MYOM1: variants seen among roughly 807,000 people sequenced by gnomAD.
The protein encoded by MYOM1 is myomesin 1.
MYOM1 carries 164 observed loss-of-function variants against 205.3 expected under a neutral mutation model. The ratio of observed to expected loss-of-function variants is 0.80; its 90% confidence interval spans 0.70 to 0.91. The LOEUF (loss-of-function observed/expected upper bound fraction) is 0.91, where lower values mean the gene tolerates loss of function less well. Ranked by LOEUF, MYOM1 falls within the 40% of genes least tolerant of loss-of-function variation. MYOM1 has a pLI of 0.00. For synonymous variants in MYOM1, 772 were observed against 789.4 expected (o/e 0.98, Z 0.37); for missense variants, 2,011 against 2,127.3 (o/e 0.95, Z 1.08).
chr18:3,118,123 C>T (rs940535120), intron 20 of MYOM1, among the ~76,000 whole-genome samples: 2 of 152,158 alleles, frequency 1.3e-5, no homozygotes, highest in East Asian at 1.9e-4. Flanking sequence ...ACCCTCTGGG[C>T]ATCATTTAAC....
intron 10 of MYOM1, among the ~76,000 whole-genome samples, chr18:3,156,282 C>G (rs879714940): frequency 6.6e-6 from 1 of 152,172 alleles, no homozygotes; most frequent in African/African-American, 2.4e-5. Flanking sequence ...AGGGAAAGCA[C>G]CCATGTCGAC....
At chr18:3,182,173 A>C (rs1184320746) in intron 5 of MYOM1, among the ~76,000 whole-genome samples, 1 of 152,028 alleles carries the variant, frequency 6.6e-6, no homozygotes, top group African/African-American at 2.4e-5. Flanking sequence ...TGCTCCAATG[A>C]GTTTTCCTGA....
In MYOM1 at chr18:3,197,579, AAAG is replaced by A. The variant is rs199912765; in HGVS notation, c.291-3624_291-3622del. On this transcript the variant is annotated intron_variant, in intron 2 of 37. Coordinates refer to ENST00000356443, the MANE Select transcript of MYOM1 (RefSeq NM_003803.4). The stretch of plus-strand genomic sequence containing the variant: ...AGACCACACTTGATTTTTTTTAAAA[AAAG>A]AAGTGTTAAGGCTGGGCGCGGTGGC... Among the ~76,000 whole-genome samples, 772 of 152,298 alleles carry A rather than the reference AAAG, an allele frequency of 5.1e-3. 9 individuals are homozygous for A. The highest frequency in any genetic ancestry group is 0.018 in the African/African-American group (736 of 41,574).
intron 5 of MYOM1, among the ~76,000 whole-genome samples, chr18:3,181,836 C>T (rs532509025): frequency 6.7e-6 from 1 of 150,008 alleles, no homozygotes; most frequent in Non-Finnish European, 1.5e-5. Flanking sequence ...CAGATTCAAG[C>T]AATTCTCCTG....
rs147922585 is a variant in MYOM1, at chr18:3,138,871, A to G, written c.2025+3068T>C. On this transcript the variant is annotated intron_variant, in intron 14 of 37. Transcript: ENST00000356443. ...AAAGGTGGCCCAGTGTAATAGTTGG[A>G]TTTACGCACCTGAACCAGACTGCTG... Among the ~76,000 whole-genome samples the G allele has an allele frequency of 8.5e-3, 1,296 of 152,252 alleles. 29 individuals carry two copies. Among genetic ancestry groups the G allele is most frequent in the African/African-American group, 0.029 (1,198 of 41,548 alleles).
chr18:3,127,013 T>C, intron 18 of MYOM1, 116 bp from the exon 19 acceptor site: 2 of 904,464 alleles, frequency 2.2e-6, no homozygotes, highest in Non-Finnish European at 3.3e-6. Context: ...AAAACTAAAA[T>C]TCGAGGCTGA....
In MYOM1 at chr18:3,209,249, C is replaced by T. The variant is rs1177155025; in HGVS notation, c.290+5685G>A. Among the ~76,000 whole-genome samples, 1 of 152,210 alleles carries T rather than the reference C, an allele frequency of 6.6e-6. No homozygotes were observed. The highest frequency in any genetic ancestry group is 1.5e-5 in the Non-Finnish European group (1 of 68,048). ...CACAGACCATTTCACAGCCTCAAAA[C>T]TCCCTGGCTAAGGGTGCTGAGGAAC... On this transcript the variant is annotated intron_variant, in intron 2 of 37. Coordinates refer to ENST00000356443, the MANE Select transcript of MYOM1 (RefSeq NM_003803.4). The surrounding 1 kb of genome is among the most constrained non-coding windows in gnomAD (Gnocchi z 4.0).
chr18:3,075,888 A>G (rs1042329740), intron 34 of MYOM1, 127 bp from the exon 35 acceptor site: 53 of 806,618 alleles, frequency 6.6e-5, no homozygotes, highest in Middle Eastern at 3.4e-4. Context: ...TTTGATTAAG[A>G]CTGTGCTTAT....
At chr18:3,160,906 G>A (rs953561623) in intron 10 of MYOM1, among the ~76,000 whole-genome samples, 2 of 152,190 alleles carry the variant, frequency 1.3e-5, no homozygotes, top group African/African-American at 4.8e-5. Context: ...CATTCTGGGT[G>A]TGGGCGCTGA....
chr18:3,116,220 A>C, intron 21 of MYOM1, 111 bp downstream of exon 21: 2 of 1,145,010 alleles, frequency 1.7e-6, no homozygotes, highest in Non-Finnish European at 2.4e-6. Flanking sequence ...CCAGGAGCCC[A>C]ATATATGAAA....
chr18:3,116,877 C>T (rs1049536063), intron 20 of MYOM1, among the ~76,000 whole-genome samples: 15 of 152,024 alleles, frequency 9.9e-5, no homozygotes, highest in African/African-American at 3.4e-4. Flanking sequence ...TATTTTTAGA[C>T]ACAGGGTTTT....
chr18:3,202,292 T>C (rs538444471), intron 2 of MYOM1, among the ~76,000 whole-genome samples: 153 of 152,232 alleles, frequency 1.0e-3, no homozygotes, highest in Non-Finnish European at 1.7e-3. Flanking sequence ...GATAATGAGA[T>C]ATACTTTAAA....
chr18:3,112,304 G>C lies in MYOM1; in HGVS notation c.3412C>G (p.Arg1138Gly), dbSNP rs200710899. Residue 1138 changes from arginine to glycine, a missense_variant, in exon 22 of 38, where the codon CGT becomes GGT. Coordinates refer to ENST00000356443, the MANE Select transcript of MYOM1 (RefSeq NM_003803.4). Reference sequence around the variant, plus strand: ...TGAAAAGGTGAAAGCCCACCTGGACGGGTCTCTGCCACAACAGGGCCAGCA... The same window carrying C: ...TGAAAAGGTGAAAGCCCACCTGGACCGGTCTCTGCCACAACAGGGCCAGCA... ...DLAGPVVAET[R>G]PGTKEVVVNV... 1.2e-6 allele frequency: 2 copies of C among 1,612,990 alleles called. No individual in the cohort carries two copies. Among genetic ancestry groups the C allele is most frequent in the East Asian group, 4.5e-5 (2 of 44,864 alleles).
At chr18:3,181,926 G>A (rs1276358621) in intron 5 of MYOM1, among the ~76,000 whole-genome samples, 1 of 151,752 alleles carries the variant, frequency 6.6e-6, no homozygotes, top group African/African-American at 2.4e-5. Flanking sequence ...TACAGATGGA[G>A]TTTCACCATG....
At chr18:3,165,668 T>C (rs1247356616) in intron 9 of MYOM1, among the ~76,000 whole-genome samples, 1 of 152,228 alleles carries the variant, frequency 6.6e-6, no homozygotes, top group Non-Finnish European at 1.5e-5. Context: ...TTGCCAGCAG[T>C]TCCTGTCCCC....
the MYOM1 span, among the ~76,000 whole-genome samples, chr18:3,232,094 C>T: frequency 1.3e-5 from 2 of 151,852 alleles, no homozygotes; most frequent in Middle Eastern, 6.8e-3. Context: ...CTTTGGGAGG[C>T]TGAGGCTGGC....
rs1438944838 is a variant in MYOM1 at position 3,209,060 on chromosome 18, G to A, written c.290+5874C>T. Among the ~76,000 whole-genome samples, 2 of 152,170 alleles carry A rather than the reference G, an allele frequency of 1.3e-5. No individual in the cohort carries two copies. The highest frequency in any genetic ancestry group is 4.8e-5 in the African/African-American group (2 of 41,430). On this transcript the variant is annotated intron_variant, in intron 2 of 37. Transcript: ENST00000356443. The surrounding 1 kb of genome is among the most constrained non-coding windows in gnomAD (Gnocchi z 4.0). ...TCCATACAACTATGGTTATTTCAAGGTGCTTTTCCTATTAAATACCAGAAA... is the reference window on the plus strand; with the variant it reads ...TCCATACAACTATGGTTATTTCAAGATGCTTTTCCTATTAAATACCAGAAA...
At chr18:3,161,879 G>C (rs2080395743) in intron 10 of MYOM1, among the ~76,000 whole-genome samples, 1 of 152,028 alleles carries the variant, frequency 6.6e-6, no homozygotes, top group Non-Finnish European at 1.5e-5. Flanking sequence ...AACATTTTTT[G>C]AGCCATCGAC....
chr18:3,087,485 G>A (rs1567898299), intron 29 of MYOM1, among the ~76,000 whole-genome samples: 4 of 141,416 alleles, frequency 2.8e-5, no homozygotes, highest in Admixed American at 1.4e-4. Flanking sequence ...TTCCTCCTAC[G>A]TTCTTTTTTT....
Sources: allele counts gnomAD v4.1 joint callset (sites outside exome capture counted in the v4.1 genomes callset), GRCh38; gene constraint gnomAD v4.1.1; non-coding constraint Gnocchi (gnomAD v3.1); transcripts MANE v1.5; gene names NCBI Gene and HGNC (gene_info 2026-07-23, HGNC 2026-07-21).